USP47: variants seen among roughly 807,000 people sequenced by gnomAD.
The protein encoded by USP47 is ubiquitin carboxyl-terminal hydrolase 47.
USP47 carries 35 observed loss-of-function variants against 165.1 expected under a neutral mutation model. The observed-to-expected ratio is 0.21, with a 90% CI of 0.16 to 0.28. USP47 has a LOEUF of 0.28. USP47 is among the 10% of genes least tolerant of loss of function. The pLI is 1.00. For missense variants in USP47, 1,277 were observed against 1,607.4 expected, an observed-to-expected ratio of 0.79 and a Z score of 3.52; for synonymous variants, 531 against 544.5, an observed-to-expected ratio of 0.98 and a Z score of 0.35.
intron 1 of USP47, among the ~76,000 whole-genome samples, chr11:11,868,010 C>G (rs1454781563): frequency 6.6e-6 from 1 of 152,086 alleles, no homozygotes; most frequent in Non-Finnish European, 1.5e-5. Flanking sequence ...ACAGGCAGTC[C>G]TCTTTCAGTC....
intron 3 of USP47, among the ~76,000 whole-genome samples, chr11:11,890,711 A>C (rs1851458377): frequency 6.6e-6 from 1 of 152,182 alleles, no homozygotes; most frequent in Admixed American, 6.5e-5. Context: ...ACATGCACTC[A>C]TATGTTCACT....
chr11:11,937,698 CTT>C (rs1408331988), intron 17 of USP47, among the ~76,000 whole-genome samples: 1 of 150,860 alleles, frequency 6.6e-6, no homozygotes, highest in African/African-American at 2.4e-5. Context: ...ATAAAGTAGT[CTT>C]TATTCATTAA....
chr11:11,926,899 T>G (rs912794841), intron 11 of USP47, among the ~76,000 whole-genome samples: 1 of 147,876 alleles, frequency 6.8e-6, no homozygotes, highest in African/African-American at 2.4e-5. Context: ...TGTTTTTGTT[T>G]TCATTTGTCT....
intron 16 of USP47, among the ~76,000 whole-genome samples, chr11:11,936,007 T>G (rs1218745753): frequency 1.3e-5 from 2 of 151,914 alleles, no homozygotes; most frequent in African/African-American, 4.8e-5. Flanking sequence ...TTACAATACA[T>G]TGATTTTGTT....
intron 2 of USP47, among the ~76,000 whole-genome samples, chr11:11,880,614 T>C (rs1351240240): frequency 1.3e-5 from 2 of 152,156 alleles, no homozygotes; most frequent in Non-Finnish European, 2.9e-5. Context: ...AGTTTTTTCA[T>C]TCATGAAAGG....
chr11:11,878,804 T>C (rs1850646606), intron 1 of USP47, among the ~76,000 whole-genome samples: 1 of 152,164 alleles, frequency 6.6e-6, no homozygotes, highest in Non-Finnish European at 1.5e-5. Context: ...AAATTGTGTG[T>C]CACAGAAACA....
At chr11:11,928,619 C>G (rs1437489939) in intron 11 of USP47, among the ~76,000 whole-genome samples, 1 of 152,048 alleles carries the variant, frequency 6.6e-6, no homozygotes, top group Non-Finnish European at 1.5e-5. Flanking sequence ...ACCTCCTTCT[C>G]TGTTTCTGTC....
intron 1 of USP47, among the ~76,000 whole-genome samples, chr11:11,845,922 A>C (rs1033422975): frequency 6.6e-6 from 1 of 152,192 alleles, no homozygotes; most frequent in Non-Finnish European, 1.5e-5. Context: ...CATTTCCCAT[A>C]GGATAGTTTT....
intron 1 of USP47, chr11:11,856,950 C>T (rs1239461298): frequency 6.6e-6 from 1 of 152,162 alleles, no homozygotes; most frequent in African/African-American, 2.4e-5. Context: ...CCGTGCTAGG[C>T]AGTGATGACT....
intron 1 of USP47, among the ~76,000 whole-genome samples, chr11:11,866,937 G>A (rs897093418): frequency 2.0e-5 from 3 of 151,282 alleles, no homozygotes; most frequent in Admixed American, 2.0e-4. Context: ...TCACTCTGTT[G>A]CCCAGGCTGG....
At chr11:11,914,891 A>G (rs1419595437) in intron 8 of USP47, among the ~76,000 whole-genome samples, 1 of 152,182 alleles carries the variant, frequency 6.6e-6, no homozygotes, top group African/African-American at 2.4e-5. Flanking sequence ...TCACACATAC[A>G]CTGCTGGTGG....
At chr11:11,902,034 A>G (rs55809623) in intron 5 of USP47, among the ~76,000 whole-genome samples, 2,553 of 151,730 alleles carry the variant, frequency 0.017, 33 homozygotes, top group Middle Eastern at 0.034. Context: ...AATATTATTA[A>G]TATCAACTCA....
At chr11:11,867,627 G>T (rs982091905) in intron 1 of USP47, among the ~76,000 whole-genome samples, 4 of 152,080 alleles carry the variant, frequency 2.6e-5, no homozygotes, top group African/African-American at 9.7e-5. Context: ...TTTCAATATT[G>T]AAGTTTTTGT....
At chr11:11,903,376 T>G (rs952440885) in intron 7 of USP47, 34 bp downstream of exon 7, 1 of 1,571,364 alleles carries the variant, frequency 6.4e-7, no homozygotes, top group African/African-American at 1.4e-5. Flanking sequence ...GGGGACTGTT[T>G]CCTAATAAAT....
At position 11,942,929 on chromosome 11, in the gene USP47, A is replaced by G. The variant is rs1251130510; in HGVS notation, c.2908A>G (p.Ile970Val). ...PLANGLDSHS[I>V]TSSRRTKANE... ...GGCTAATGGACTTGACTCTCACAGT[A>G]TCACAAGTAGTAGAAGAACGAAAGC... The change falls in exon 20 of 28, where the codon ATC becomes GTC. Residue 970 changes from isoleucine to valine, a missense_variant. Physicochemically the swap from Ile to Val is conservative, Grantham distance 29 (BLOSUM62 3). This residue lies in a region of USP47 where 909 missense variants were observed against 1,068.1 expected (regional missense o/e 0.85). Coordinates refer to ENST00000527733, the MANE Select transcript of USP47 (RefSeq NM_001282659.2). 2.4e-5 allele frequency: 38 copies of G among 1,613,546 alleles called. No individual in the cohort carries two copies. Among genetic ancestry groups the G allele is most frequent in the South Asian group, 4.4e-5 (4 of 91,068 alleles).
intron 20 of USP47, among the ~76,000 whole-genome samples, chr11:11,945,611 C>A (rs1303504003): frequency 2.0e-5 from 3 of 152,024 alleles, no homozygotes; most frequent in Non-Finnish European, 4.4e-5. Context: ...ACTGAAATTT[C>A]TCCGTACAAT....
chr11:11,935,812 G>A (rs188605728), intron 16 of USP47, among the ~76,000 whole-genome samples: 10 of 152,000 alleles, frequency 6.6e-5, no homozygotes, highest in East Asian at 3.9e-4. Context: ...AGGGGATATC[G>A]TAGAAGCCAA....
chr11:11,889,493 G>C lies in USP47; in HGVS notation c.358-2475G>C, dbSNP rs117405724. On this transcript the variant is annotated intron_variant, in intron 3 of 27. Coordinates refer to ENST00000527733, the MANE Select transcript of USP47 (RefSeq NM_001282659.2). ...CAGAAAGAAAATACCCAGGAATACAGCTAACAAGGAAAGTGAAGGACACCT... is the reference window on the plus strand; with the variant it reads ...CAGAAAGAAAATACCCAGGAATACACCTAACAAGGAAAGTGAAGGACACCT... Among the ~76,000 whole-genome samples the C allele has an allele frequency of 7.3e-4, 111 of 152,184 alleles. 2 individuals are homozygous for C. In the East Asian group the frequency reaches 0.02, roughly 28 times the overall value.
At chr11:11,902,187 A>G (rs761579134) in intron 5 of USP47, among the ~76,000 whole-genome samples, 5 of 152,166 alleles carry the variant, frequency 3.3e-5, no homozygotes, top group Non-Finnish European at 7.4e-5. Context: ...CAAGATCCAT[A>G]TGAGCTGTAT....
Sources: allele counts gnomAD v4.1 joint callset (sites outside exome capture counted in the v4.1 genomes callset), GRCh38; gene constraint gnomAD v4.1.1; regional missense constraint gnomAD v4.1.1; transcripts MANE v1.5; gene names NCBI Gene and HGNC (gene_info 2026-07-23, HGNC 2026-07-21).